The following PPP2R2B variants were observed in gnomAD, a reference collection of about 807,000 sequenced individuals.
The protein encoded by PPP2R2B is protein phosphatase 2 regulatory subunit Bbeta.
In PPP2R2B, 5 loss-of-function variants were observed where a neutral mutation model predicts 46.0. That is an observed-to-expected ratio of 0.11 (90% CI 0.06 to 0.23). The LOEUF is 0.23. Among genes scored for constraint, PPP2R2B ranks in the 10% least tolerant of loss-of-function variants. The pLI is 1.00. For missense variants in PPP2R2B, 367 were observed against 575.0 expected (o/e 0.64, Z 3.70); for synonymous variants, 215 against 206.7 (o/e 1.04, Z -0.34).
At chr5:146,809,200 G>A (rs112255011) in intron 2 of PPP2R2B, among the ~76,000 whole-genome samples, 28 of 152,246 alleles carry the variant, frequency 1.8e-4, no homozygotes, top group African/African-American at 5.1e-4. Flanking sequence ...CTATGTGGCC[G>A]TCAGGCTTTC....
chr5:146,890,897 A>ATAG (rs990309212), intron 1 of PPP2R2B, among the ~76,000 whole-genome samples: 1 of 152,198 alleles, frequency 6.6e-6, no homozygotes, highest in African/African-American at 2.4e-5. Context: ...CAACAGCAAC[A>ATAG]TAGTTTAGAG....
At chr5:146,780,928 T>C (rs961813730) in intron 2 of PPP2R2B, among the ~76,000 whole-genome samples, 1 of 151,926 alleles carries the variant, frequency 6.6e-6, no homozygotes, top group Non-Finnish European at 1.5e-5. Context: ...TGCATAGAAG[T>C]AGAAGAATAT....
chr5:147,017,455 C>G (rs144305448), intron 1 of PPP2R2B, among the ~76,000 whole-genome samples: 82 of 151,576 alleles, frequency 5.4e-4, no homozygotes, highest in Admixed American at 2.2e-3. Flanking sequence ...CATTAGAAAA[C>G]AGAGTGGTTC....
chr5:146,898,117 G>A (rs770964463), intron 1 of PPP2R2B, among the ~76,000 whole-genome samples: 23 of 152,280 alleles, frequency 1.5e-4, no homozygotes, highest in South Asian at 8.3e-4. Context: ...CCAGGGAAGC[G>A]GAGGTTGCAG....
chr5:146,605,996 G>C (rs546405359), intron 7 of PPP2R2B, among the ~76,000 whole-genome samples: 1 of 152,242 alleles, frequency 6.6e-6, no homozygotes, highest in African/African-American at 2.4e-5. Flanking sequence ...TCAGATGACT[G>C]GGTAAATAAA....
chr5:146,655,928 G>T (rs1283519057), intron 5 of PPP2R2B, among the ~76,000 whole-genome samples: 3 of 152,060 alleles, frequency 2.0e-5, no homozygotes, highest in Non-Finnish European at 4.4e-5. Context: ...GGAGGGAACT[G>T]GGCTTCAGTC....
chr5:146,593,166 A>G, intron 8 of PPP2R2B, 104 bp from the exon 9 acceptor site: 1 of 1,003,654 alleles, frequency 1.0e-6, no homozygotes, highest in Non-Finnish European at 1.6e-6. Flanking sequence ...TTCATTGTAC[A>G]TGCTCTTTGA....
intron 2 of PPP2R2B, among the ~76,000 whole-genome samples, chr5:146,867,222 G>A (rs561307658): frequency 2.9e-4 from 44 of 152,214 alleles, no homozygotes; most frequent in Middle Eastern, 3.4e-3. Flanking sequence ...TCTGTAGTAA[G>A]ATTGCTTCTG....
chr5:147,069,067 T>C (rs1757497338), intron 2 of PPP2R2B, among the ~76,000 whole-genome samples: 1 of 152,178 alleles, frequency 6.6e-6, no homozygotes, highest in African/African-American at 2.4e-5. Context: ...AACTATAAGC[T>C]GAAAGGACAT....
Position 146,616,718 on chromosome 5 carries a change from C to T in PPP2R2B, c.791-16258G>A, listed in dbSNP as rs369984355. On this transcript the variant is annotated intron_variant, in intron 7 of 9. Coordinates refer to ENST00000394411, the MANE Select transcript of PPP2R2B (RefSeq NM_181675.4). ...GTTAAAATGGCTTTCATCTAAAAGG[C>T]AATAATGCTGATGAGGATGTGGAGA... Among the ~76,000 whole-genome samples, 80 of 152,086 alleles carry T rather than the reference C, an allele frequency of 5.3e-4. No individual in the cohort carries two copies. The South Asian group carries it at 0.016, about 31-fold the overall frequency.
At chr5:146,832,377 A>ATTT (rs1443028400) in intron 2 of PPP2R2B, among the ~76,000 whole-genome samples, 15 of 104,288 alleles carry the variant, frequency 1.4e-4, no homozygotes, top group African/African-American at 4.4e-4. Flanking sequence ...GCCATTTTTA[A>ATTT]TCTTTTTTTT....
intron 2 of PPP2R2B, among the ~76,000 whole-genome samples, chr5:146,764,635 T>C (rs1754361354): frequency 6.6e-6 from 1 of 152,148 alleles, no homozygotes; most frequent in African/African-American, 2.4e-5. Context: ...GTGAGTTCAT[T>C]ACTCTCCATT....
At chr5:146,935,167 T>A (rs144275871) in intron 1 of PPP2R2B, among the ~76,000 whole-genome samples, 1 of 152,308 alleles carries the variant, frequency 6.6e-6, no homozygotes, top group Non-Finnish European at 1.5e-5. Context: ...GTGATGATAT[T>A]ACGAACTGGG....
chr5:146,666,849 T>C (rs897519379), intron 5 of PPP2R2B, among the ~76,000 whole-genome samples: 1 of 152,226 alleles, frequency 6.6e-6, no homozygotes, highest in South Asian at 2.1e-4. Context: ...TAATCGTCCA[T>C]ATCATGTCAT....
At chr5:146,919,689 A>T (rs535333010) in intron 1 of PPP2R2B, 1 of 152,324 alleles carries the variant, frequency 6.6e-6, no homozygotes, top group African/African-American at 2.4e-5. Context: ...CTCACCTGCC[A>T]CAACTGGACA....
chr5:146,908,944 G>A (rs534166254), intron 1 of PPP2R2B, among the ~76,000 whole-genome samples: 2 of 152,246 alleles, frequency 1.3e-5, no homozygotes, highest in African/African-American at 4.8e-5. Flanking sequence ...GGGATTACAG[G>A]GGTGGGCCCT....
At chr5:146,727,943 G>T (rs1162526782) in intron 2 of PPP2R2B, among the ~76,000 whole-genome samples, 1 of 151,674 alleles carries the variant, frequency 6.6e-6, no homozygotes, top group Non-Finnish European at 1.5e-5. Context: ...ACTTTTTTTA[G>T]ATTCCACATA....
intron 1 of PPP2R2B, among the ~76,000 whole-genome samples, chr5:146,948,236 T>C (rs956080345): frequency 6.6e-6 from 1 of 152,128 alleles, no homozygotes; most frequent in African/African-American, 2.4e-5. Context: ...GAGCTGTCTT[T>C]GGATGCAGAC....
At chr5:147,037,159 G>A (rs200556492) in intron 1 of PPP2R2B, among the ~76,000 whole-genome samples, 2 of 151,600 alleles carry the variant, frequency 1.3e-5, no homozygotes, top group Admixed American at 6.6e-5. Context: ...TAGCTTCAGG[G>A]AAAAAAAATT....
Sources: gnomAD v4.1 joint callset for allele counts (sites outside exome capture counted in the v4.1 genomes callset) on GRCh38, gnomAD v4.1.1 for gene constraint, MANE v1.5 for transcripts, NCBI Gene and HGNC (gene_info 2026-07-23, HGNC 2026-07-21) for gene names.